TIAM1: variants seen among roughly 807,000 people sequenced by gnomAD.
TIAM1 encodes the protein rho guanine nucleotide exchange factor TIAM1.
Under a neutral mutation model 163.5 loss-of-function variants are expected in TIAM1, and 65 were observed. The observed-to-expected ratio is 0.40, with a 90% CI of 0.33 to 0.49. The LOEUF is 0.49. Among genes scored for constraint, TIAM1 ranks in the 20% least tolerant of loss-of-function variants. TIAM1 has a pLI of 0.77. For synonymous variants in TIAM1, 833 were observed against 810.1 expected (o/e 1.03, Z -0.48); for missense variants, 1,789 against 2,044.7 (o/e 0.87, Z 2.41).
rs184413499 is a variant in TIAM1, at chr21:31,329,130, G to A, written c.-189+10113C>T. The stretch of plus-strand genomic sequence containing the variant: ...ATCTATGGATTTTGGTGTCCTCAGG[G>A]CAGGGAGGGGATGTCCTGGAACGAA... On this transcript the variant is annotated intron_variant, in intron 2 of 27. Transcript: ENST00000541036. 1.7e-3 allele frequency among the ~76,000 whole-genome samples: 259 copies of A among 152,256 alleles called. 5 individuals are homozygous for A. The South Asian group carries it at 0.029, about 17-fold the overall frequency.
chr21:31,522,987 T>G (rs2047657463), intron 1 of TIAM1, among the ~76,000 whole-genome samples: 1 of 152,236 alleles, frequency 6.6e-6, no homozygotes, highest in African/African-American at 2.4e-5. Context: ...AAATAAATTT[T>G]TAGCACATTC....
intron 1 of TIAM1, among the ~76,000 whole-genome samples, chr21:31,535,853 G>A (rs2048115989): frequency 6.6e-6 from 1 of 152,132 alleles, no homozygotes; most frequent in Non-Finnish European, 1.5e-5. Context: ...CTTTTCCCAA[G>A]CAAGTACCAA....
intron 4 of TIAM1, among the ~76,000 whole-genome samples, chr21:31,259,816 G>T (rs1404811165): frequency 6.6e-6 from 1 of 150,408 alleles, no homozygotes; most frequent in Non-Finnish European, 1.5e-5. Context: ...ACAGTATATT[G>T]CAAGAGAGTG....
rs752507382 is a variant in TIAM1, at chr21:31,141,144, C to T, written c.3748G>A (p.Ala1250Thr). ...TCTTTTTTCTCACCAGTCTGTTCAG[C>T]AATCAGCTGGTCAAACACAGCCCCA... is the stretch of plus-strand genomic sequence containing the variant. ...EFGAVFDQLI[A>T]EQTGEKKEVA... Residue 1250 changes from alanine to threonine, a missense_variant, in exon 22 of 28, where the codon GCT becomes ACT. Transcript: ENST00000541036. This position sits in a 1 kb window ranked among gnomAD's most constrained non-coding sequence, Gnocchi z 4.7. 6.2e-7 allele frequency: 1 copy of T among 1,614,192 alleles called. No homozygotes were observed. The highest frequency in any genetic ancestry group is 8.5e-7 in the Non-Finnish European group (1 of 1,180,006).
intron 1 of TIAM1, among the ~76,000 whole-genome samples, chr21:31,495,101 G>A (rs901877090): frequency 5.9e-5 from 9 of 152,266 alleles, no homozygotes; most frequent in Non-Finnish European, 7.3e-5. Flanking sequence ...TGTGTTAGGC[G>A]TAAAAGTGTG....
rs550628454 is a variant in TIAM1, at chr21:31,295,230, G to A, written c.-188-18322C>T. Among the ~76,000 whole-genome samples the A allele has an allele frequency of 1.7e-4, 26 of 152,230 alleles. No individual in the cohort carries two copies. The South Asian group carries it at 3.7e-3, about 22-fold the overall frequency. On this transcript the variant is annotated intron_variant, in intron 2 of 27. Coordinates refer to ENST00000541036, the MANE Select transcript of TIAM1 (RefSeq NM_001353694.2). ...TTACGCCTGCAATCCCAGCACTTTG[G>A]GAGGCCAAGGCGGGCGGATCATGAA... is the stretch of plus-strand genomic sequence containing the variant.
chr21:31,538,780 C>T (rs756517075), intron 1 of TIAM1, among the ~76,000 whole-genome samples: 67 of 152,324 alleles, frequency 4.4e-4, no homozygotes, highest in Admixed American at 1.4e-3. Flanking sequence ...AGCTGCAAAG[C>T]AAGCGGGGAG....
chr21:31,234,301 C>T (rs8133448), intron 6 of TIAM1, among the ~76,000 whole-genome samples: 140,156 of 148,478 alleles, frequency 0.94, 66,173 homozygotes, highest in Middle Eastern at 1. Flanking sequence ...AACAATGAGA[C>T]TGAAAAGAGA....
intron 1 of TIAM1, among the ~76,000 whole-genome samples, chr21:31,473,719 G>A (rs1055357681): frequency 2.0e-5 from 3 of 152,048 alleles, no homozygotes; most frequent in East Asian, 1.9e-4. Context: ...AAAGATCAGC[G>A]AGTGAGCCAG....
chr21:31,396,954 C>A (rs1555967971), intron 2 of TIAM1, among the ~76,000 whole-genome samples: 1 of 151,678 alleles, frequency 6.6e-6, no homozygotes, highest in Non-Finnish European at 1.5e-5. Context: ...GTCACACACA[C>A]AAAAAAAATT....
At chr21:31,305,160 T>C (rs182365320) in intron 2 of TIAM1, among the ~76,000 whole-genome samples, 1 of 152,362 alleles carries the variant, frequency 6.6e-6, no homozygotes, top group East Asian at 1.9e-4. Context: ...CTAGAAGTGT[T>C]CATTAGGCCC....
intron 2 of TIAM1, among the ~76,000 whole-genome samples, chr21:31,442,298 T>A (rs1414758688): frequency 1.4e-5 from 2 of 144,714 alleles, no homozygotes; most frequent in Non-Finnish European, 3.0e-5. Flanking sequence ...AGTGGCACGA[T>A]CTTGGCTCGC....
intron 1 of TIAM1, among the ~76,000 whole-genome samples, chr21:31,548,531 C>T (rs2048579039): frequency 6.7e-6 from 1 of 150,048 alleles, no homozygotes; most frequent in African/African-American, 2.5e-5. Context: ...TTCTGTCACT[C>T]AGGCTGGAGT....
At chr21:31,267,242 T>C (rs1166395125) in intron 3 of TIAM1, among the ~76,000 whole-genome samples, 1 of 152,162 alleles carries the variant, frequency 6.6e-6, no homozygotes, top group Non-Finnish European at 1.5e-5. Flanking sequence ...ATCAGAGAGT[T>C]AGACTTGTCT....
chr21:31,248,058 C>T (rs528338007), intron 5 of TIAM1, among the ~76,000 whole-genome samples: 1 of 152,240 alleles, frequency 6.6e-6, no homozygotes, highest in East Asian at 1.9e-4. Flanking sequence ...TGTTAAGCAT[C>T]CACAATGCCC....
chr21:31,287,443 C>T (rs1258979529), intron 2 of TIAM1, among the ~76,000 whole-genome samples: 1 of 152,152 alleles, frequency 6.6e-6, no homozygotes. Flanking sequence ...TCTACCCACT[C>T]AGACAGGGCT....
chr21:31,235,342 T>G (rs943540390), intron 6 of TIAM1, among the ~76,000 whole-genome samples: 4 of 152,202 alleles, frequency 2.6e-5, no homozygotes, highest in African/African-American at 9.6e-5. Context: ...AGTACACTAC[T>G]TGACTCAGCA....
At chr21:31,240,704 T>C (rs1029566146) in intron 6 of TIAM1, among the ~76,000 whole-genome samples, 2 of 152,178 alleles carry the variant, frequency 1.3e-5, no homozygotes, top group Admixed American at 6.5e-5. Flanking sequence ...TGAAAAACAA[T>C]TAATGACAAT....
At chr21:31,309,769 C>G (rs2074853536) in intron 2 of TIAM1, among the ~76,000 whole-genome samples, 1 of 152,178 alleles carries the variant, frequency 6.6e-6, no homozygotes, top group South Asian at 2.1e-4. Flanking sequence ...ATATGAAAAA[C>G]CCAAATCTGA....
Sources: allele counts gnomAD v4.1 joint callset (sites outside exome capture counted in the v4.1 genomes callset), GRCh38; gene constraint gnomAD v4.1.1; non-coding constraint Gnocchi (gnomAD v3.1); transcripts MANE v1.5; gene names NCBI Gene and HGNC (gene_info 2026-07-23, HGNC 2026-07-21).